Variants in ARFGEF1 observed in about 807,000 individuals in gnomAD.
The protein encoded by ARFGEF1 is brefeldin A-inhibited guanine nucleotide-exchange protein 1.
Under a neutral mutation model 231.0 loss-of-function variants are expected in ARFGEF1, and 42 were observed. That is an observed-to-expected ratio of 0.18 (90% CI 0.14 to 0.24). The LOEUF (loss-of-function observed/expected upper bound fraction) is 0.24, where lower values mean the gene tolerates loss of function less well. Among genes scored for constraint, ARFGEF1 ranks in the 10% least tolerant of loss-of-function variants. The pLI, the probability that ARFGEF1 is intolerant of heterozygous loss-of-function variation, is 1.00. For missense variants in ARFGEF1, 1,345 were observed against 2,192.0 expected (o/e 0.61, Z 7.72); for synonymous variants, 710 against 732.3 (o/e 0.97, Z 0.49).
chr8:67,296,361 A>C, intron 5 of ARFGEF1, 70 bp downstream of exon 5: 3 of 1,360,582 alleles, frequency 2.2e-6, no homozygotes, highest in Non-Finnish European at 3.0e-6. Flanking sequence ...CACTCTAATT[A>C]CTGTAAACTC....
chr8:67,259,947 A>G (rs1212648804), intron 14 of ARFGEF1, 21 bp from the exon 15 acceptor site: 4 of 1,515,518 alleles, frequency 2.6e-6, no homozygotes, highest in Non-Finnish European at 3.6e-6. Flanking sequence ...TTAAATAAGA[A>G]CATTAAAAAT....
chr8:67,198,830 A>G lies in ARFGEF1; in HGVS notation c.*104T>C. Reference sequence around the variant, plus strand: ...CTAAGCATCTTTACCAGTAACTCAGACACTGCAATCCAGAGAAATCATTTT... The same window carrying G: ...CTAAGCATCTTTACCAGTAACTCAGGCACTGCAATCCAGAGAAATCATTTT... On this transcript the variant is annotated 3_prime_UTR_variant, in exon 39 of 39. Coordinates refer to ENST00000262215, the MANE Select transcript of ARFGEF1 (RefSeq NM_006421.5). 6.6e-7 allele frequency: 1 copy of G among 1,515,762 alleles called. No individual in the cohort carries two copies. The highest frequency in any genetic ancestry group is 2.3e-5 in the East Asian group (1 of 42,926). 93.9% of individuals were successfully genotyped at this position (1,515,762 alleles called of 1,614,324 possible). A position where few individuals can be genotyped will look rare whatever the true frequency, so the allele number is the denominator to read the frequency against.
chr8:67,312,472 T>C (rs958405398), intron 1 of ARFGEF1, among the ~76,000 whole-genome samples: 1 of 151,896 alleles, frequency 6.6e-6, no homozygotes, highest in African/African-American at 2.4e-5. Flanking sequence ...AGATAATCTG[T>C]GAAAAATCCT....
At chr8:67,333,607 T>A (rs891418258) in intron 1 of ARFGEF1, among the ~76,000 whole-genome samples, 1 of 152,062 alleles carries the variant, frequency 6.6e-6, no homozygotes, top group Non-Finnish European at 1.5e-5. Flanking sequence ...AGCCGCCACA[T>A]CTGGCTGTTC....
chr8:67,328,853 G>C (rs2128931789), intron 1 of ARFGEF1, among the ~76,000 whole-genome samples: 1 of 152,280 alleles, frequency 6.6e-6, no homozygotes, highest in East Asian at 1.9e-4. Context: ...AAAAGAAGGA[G>C]AAAGAAGGAG....
At chr8:67,300,685 A>T (rs1394337183) in intron 3 of ARFGEF1, among the ~76,000 whole-genome samples, 1 of 129,564 alleles carries the variant, frequency 7.7e-6, no homozygotes, top group African/African-American at 3.0e-5. Context: ...AAAAAAAAAA[A>T]ATACAAAAAT....
At chr8:67,193,256 G>A (rs551509179), downstream of ARFGEF1, among the ~76,000 whole-genome samples, 22 of 152,146 alleles carry the variant, frequency 1.4e-4, no homozygotes, top group East Asian at 4.3e-3. Flanking sequence ...CTGCCACCAT[G>A]CCCAGCTAAT....
chr8:67,203,352 C>G, intron 35 of ARFGEF1, 101 bp from the exon 36 acceptor site: 1 of 1,327,974 alleles, frequency 7.5e-7, no homozygotes, highest in Non-Finnish European at 1.1e-6. Context: ...AAGAAAGCCA[C>G]AGATACTCAG....
chr8:67,297,247 C>T (rs943182717), intron 4 of ARFGEF1, among the ~76,000 whole-genome samples: 3 of 152,148 alleles, frequency 2.0e-5, no homozygotes, highest in Non-Finnish European at 4.4e-5. Context: ...AGCACAGATA[C>T]GTCACATGAG....
intron 10 of ARFGEF1, among the ~76,000 whole-genome samples, chr8:67,271,025 C>CAAAAAAAAAAAAAAAAAAAAAAAAAA (rs36063944): frequency 2.2e-4 from 8 of 36,102 alleles, no homozygotes; most frequent in Admixed American, 4.1e-4. Flanking sequence ...ACTCCATCTC[C>CAAAAAAAAAAAAAAAAAAAAAAAAAA]AAAAAAAAAA....
chr8:67,324,133 G>A, intron 1 of ARFGEF1, among the ~76,000 whole-genome samples: 1 of 152,142 alleles, frequency 6.6e-6, no homozygotes, highest in Non-Finnish European at 1.5e-5. Flanking sequence ...AATCAGAGTA[G>A]AATGATTTCT....
At chr8:67,237,613 C>A (rs1839810552) in intron 22 of ARFGEF1, among the ~76,000 whole-genome samples, 1 of 152,118 alleles carries the variant, frequency 6.6e-6, no homozygotes. Flanking sequence ...TTCGAATATA[C>A]CAGCCATTAT....
chr8:67,236,226 G>A (rs566897327), intron 22 of ARFGEF1, among the ~76,000 whole-genome samples: 26 of 148,580 alleles, frequency 1.7e-4, no homozygotes, highest in African/African-American at 5.7e-4. Context: ...GCTGAGGCAG[G>A]GGAATCACTT....
At chr8:67,194,705 T>C (rs550548018), downstream of ARFGEF1, among the ~76,000 whole-genome samples, 136 of 147,802 alleles carry the variant, frequency 9.2e-4, no homozygotes, top group Non-Finnish European at 1.6e-3. Context: ...AAAAAAAGAA[T>C]ATGATATCAC....
chr8:67,191,078 A>C (rs989772787), intron 5 of ARFGEF1, among the ~76,000 whole-genome samples: 1 of 152,222 alleles, frequency 6.6e-6, no homozygotes, highest in Non-Finnish European at 1.5e-5. Context: ...TTTATTGAAA[A>C]GCTTCATAAT....
At chr8:67,237,605 C>T (rs1304354710) in intron 22 of ARFGEF1, among the ~76,000 whole-genome samples, 4 of 152,070 alleles carry the variant, frequency 2.6e-5, no homozygotes, top group Admixed American at 2.6e-4. Context: ...CTAGAAACTT[C>T]GAATATACCA....
intron 27 of ARFGEF1, among the ~76,000 whole-genome samples, chr8:67,226,589 CA>C (rs1839381350): frequency 6.6e-6 from 1 of 151,712 alleles, no homozygotes; most frequent in South Asian, 2.2e-4. Flanking sequence ...AATACTTAAG[CA>C]AGCACGCAAT....
At chr8:67,315,874 T>C (rs956268810) in intron 1 of ARFGEF1, among the ~76,000 whole-genome samples, 6 of 151,604 alleles carry the variant, frequency 4.0e-5, no homozygotes, top group Non-Finnish European at 7.4e-5. Flanking sequence ...TAATACTTCA[T>C]TAGAAAAAAG....
intron 11 of ARFGEF1, 35 bp from the exon 12 acceptor site, chr8:67,267,265 A>G: frequency 6.2e-7 from 1 of 1,605,710 alleles, no homozygotes; most frequent in Non-Finnish European, 8.5e-7. Flanking sequence ...AACAAAGTAC[A>G]TCTAGGATAT....
Sources: allele counts gnomAD v4.1 joint callset (sites outside exome capture counted in the v4.1 genomes callset), GRCh38; gene constraint gnomAD v4.1.1; transcripts MANE v1.5; gene names NCBI Gene and HGNC (gene_info 2026-07-23, HGNC 2026-07-21).